Variants in SEZ6 observed in about 807,000 individuals in gnomAD.
SEZ6 encodes the protein seizure related 6 homolog.
A neutral mutation model predicts 101.0 loss-of-function variants in SEZ6; 53 were observed. The observed-to-expected ratio is 0.52, with a 90% confidence interval of 0.42 to 0.66. SEZ6 has a LOEUF of 0.66. Among genes scored for constraint, SEZ6 ranks in the 30% least tolerant of loss-of-function variants. The pLI is 0.00. For synonymous variants in SEZ6, 488 were observed against 512.2 expected (o/e 0.95, Z 0.64); for missense variants, 1,102 against 1,289.4 (o/e 0.85, Z 2.23).
intron 1 of SEZ6, among the ~76,000 whole-genome samples, chr17:28,987,603 G>A (rs542633451): frequency 1.3e-5 from 2 of 152,150 alleles, no homozygotes; most frequent in African/African-American, 4.8e-5. Flanking sequence ...GCTCCTCCAA[G>A]GTCACCCAGA....
chr17:28,998,483 C>T (rs1047379956), intron 1 of SEZ6, among the ~76,000 whole-genome samples: 2 of 151,908 alleles, frequency 1.3e-5, no homozygotes, highest in Admixed American at 6.6e-5. Flanking sequence ...GCAGCACATG[C>T]GATTTGGTGC....
At position 29,005,805 on chromosome 17, in the gene SEZ6, G is replaced by T. The variant is rs771134315; in HGVS notation, c.55+10C>A. On this transcript the variant is annotated intron_variant, in intron 1 of 16. Transcript: ENST00000317338. The surrounding 1 kb of genome is among the most constrained non-coding windows in gnomAD (Gnocchi z 4.8). ...CCCCCGTCCTGCCGCCGGATGCCGGGGTCCCTTACCGTGAGCCAGGAGCGC... is the reference window on the plus strand; with the variant it reads ...CCCCCGTCCTGCCGCCGGATGCCGGTGTCCCTTACCGTGAGCCAGGAGCGC... 9.6e-5 allele frequency: 142 copies of T among 1,484,294 alleles called. No individual in the cohort carries two copies. In the African/African-American group the frequency reaches 1.6e-3, roughly 17 times the overall value. 91.9% of individuals were successfully genotyped at this position (1,484,294 alleles called of 1,614,324 possible). A position where few individuals can be genotyped will look rare whatever the true frequency, so the allele number is the denominator to read the frequency against.
In SEZ6 at chr17:28,955,645, C is replaced by A. The variant is rs1355733756; in HGVS notation, c.*317G>T. On this transcript the variant is annotated 3_prime_UTR_variant, in exon 17 of 17. Transcript: ENST00000317338. Reference sequence around the variant, plus strand: ...GTACTCCTGCTCTGCTAGTGTGTTCCAGGCTGGTCCAGGGCATGAGGAGGC... The same window carrying A: ...GTACTCCTGCTCTGCTAGTGTGTTCAAGGCTGGTCCAGGGCATGAGGAGGC... 5 of 591,732 alleles carry A rather than the reference C, an allele frequency of 8.4e-6. No homozygotes were observed. Among genetic ancestry groups the A allele is most frequent in the African/African-American group, 1.8e-5 (1 of 54,642 alleles). The allele number at this position is 591,732 out of a possible 1,614,324, so 36.7% of individuals were successfully genotyped here.
intron 1 of SEZ6, among the ~76,000 whole-genome samples, chr17:28,991,894 A>G (rs1432877895): frequency 2.0e-5 from 3 of 152,328 alleles, no homozygotes; most frequent in African/African-American, 7.2e-5. Context: ...GCTCAGAGCC[A>G]GTTTAGGAGG....
chr17:29,003,983 C>T (rs1020398472), intron 1 of SEZ6, among the ~76,000 whole-genome samples: 8 of 152,182 alleles, frequency 5.3e-5, no homozygotes, highest in Admixed American at 1.3e-4. Context: ...GGTGGGACTC[C>T]TGGCCACACC....
chr17:28,976,291 C>T (rs1359029796), intron 3 of SEZ6, among the ~76,000 whole-genome samples: 1 of 152,112 alleles, frequency 6.6e-6, no homozygotes, highest in Non-Finnish European at 1.5e-5. Flanking sequence ...GAGGCTGGTC[C>T]TCCAAAAAAA....
At position 28,959,109 on chromosome 17, in the gene SEZ6, T is replaced by C. The variant is rs2040931005; in HGVS notation, c.2023A>G (p.Met675Val). Residue 675 changes from methionine to valine, a missense_variant, in exon 10 of 17, where the codon ATG (methionine) becomes GTG (valine). This residue lies in a region of SEZ6 where 556 missense variants were observed against 735.1 expected (regional missense o/e 0.76). Coordinates refer to ENST00000317338, the MANE Select transcript of SEZ6 (RefSeq NM_178860.5). This position sits in a 1 kb window ranked among gnomAD's most constrained non-coding sequence, Gnocchi z 4.4. ...PRSHFKLFTS[M>V]ADVTIQFQSD... ...TGGAACTGAATGGTGACATCAGCCA[T>C]GGAGGTAAAGAGCTTGAAGTGGCTA... 2.1e-5 allele frequency: 34 copies of C among 1,613,758 alleles called. No homozygotes were observed. The highest frequency in any genetic ancestry group is 2.6e-5 in the Non-Finnish European group (31 of 1,179,870).
chr17:28,980,883 T>C (rs867359160), intron 2 of SEZ6, among the ~76,000 whole-genome samples: 3 of 152,080 alleles, frequency 2.0e-5, no homozygotes, highest in Non-Finnish European at 2.9e-5. Context: ...GGTCATGTTA[T>C]AGTTGGAAGA....
At chr17:28,960,023 G>A (rs1567983116) in intron 7 of SEZ6, 131 bp from the exon 8 acceptor site, 1 of 1,026,538 alleles carries the variant, frequency 9.7e-7, no homozygotes, top group East Asian at 2.6e-5. Context: ...TCCTGGGGTT[G>A]GAGCAGGAAT....
chr17:28,999,548 G>A (rs1319553909), intron 1 of SEZ6, among the ~76,000 whole-genome samples: 2 of 152,212 alleles, frequency 1.3e-5, no homozygotes, highest in Non-Finnish European at 2.9e-5. Flanking sequence ...CCGCAGGTTT[G>A]TTTGCTCCGG....
chr17:28,957,013 G>A (rs1371621368), intron 13 of SEZ6, 32 bp downstream of exon 13: 1 of 1,541,400 alleles, frequency 6.5e-7, no homozygotes, highest in South Asian at 1.2e-5. Context: ...CTATGGGCCA[G>A]GGAGGGTTTT....
chr17:28,960,992 G>A lies in SEZ6; in HGVS notation c.1241-19C>T, dbSNP rs376442554. ...CAAGCAGCTGTTAAGACCAGGACAG[G>A]ACGTAGGCTAGGCCCCTGCCTGAAC... On this transcript the variant is annotated intron_variant, in intron 5 of 16. Transcript: ENST00000317338. The A allele has an allele frequency of 6.2e-7, 1 of 1,605,334 alleles. No homozygotes were observed. The highest frequency in any genetic ancestry group is 8.5e-7 in the Non-Finnish European group (1 of 1,175,718).
rs571441020 is a variant in SEZ6 at position 28,978,346 on chromosome 17, T to C, written c.858+1334A>G. On this transcript the variant is annotated intron_variant, in intron 3 of 16. Coordinates refer to ENST00000317338, the MANE Select transcript of SEZ6 (RefSeq NM_178860.5). ...TTCAGTCAGCGCATGGAGTACCCAT[T>C]CTGGGCTCTGCACTACAAGGCACCC... 5.3e-5 allele frequency among the ~76,000 whole-genome samples: 8 copies of C among 152,328 alleles called. No homozygotes were observed. In the South Asian group the frequency reaches 1.4e-3, roughly 28 times the overall value.
rs2040937954 is a variant in SEZ6, at chr17:28,959,391, T to C, written c.1853A>G (p.Asp618Gly). 1.2e-6 allele frequency: 2 copies of C among 1,613,610 alleles called. No homozygotes were observed. The highest frequency in any genetic ancestry group is 1.7e-6 in the Non-Finnish European group (2 of 1,179,830). The change falls in exon 9 of 17, where the codon GAT becomes GGT. Residue 618 changes from aspartate (D) to glycine (G), a missense_variant. Asp to Gly is a moderately conservative substitution (Grantham distance 94). Transcript: ENST00000317338. This position sits in a 1 kb window ranked among gnomAD's most constrained non-coding sequence, Gnocchi z 4.4. ...TTCCACATGCACACCCCAGATACAA[T>C]CCTGCCCACGACCGTAGGGCTCTGG... ...NWPEPYGRGQ[D>G]CIWGVHVEED...
At chr17:28,980,301 G>T (rs1250311850) in intron 2 of SEZ6, among the ~76,000 whole-genome samples, 3 of 150,402 alleles carry the variant, frequency 2.0e-5, no homozygotes, top group Non-Finnish European at 4.4e-5. Flanking sequence ...TCTGCCTCCT[G>T]GGTTCAAGCT....
intron 3 of SEZ6, among the ~76,000 whole-genome samples, chr17:28,971,607 A>G (rs985382491): frequency 3.9e-5 from 6 of 152,216 alleles, no homozygotes; most frequent in Non-Finnish European, 7.3e-5. Context: ...ACAAAAAAAA[A>G]AAGGAAATAC....
At chr17:28,957,635 G>C (rs1049151984) in intron 11 of SEZ6, 96 bp from the exon 12 acceptor site, 1 of 1,311,404 alleles carries the variant, frequency 7.6e-7, no homozygotes, top group Non-Finnish European at 1.0e-6. Flanking sequence ...ACTTCTTCAT[G>C]TCGTATGGGT....
At chr17:28,976,899 G>C (rs1160870555) in intron 3 of SEZ6, among the ~76,000 whole-genome samples, 1 of 152,304 alleles carries the variant, frequency 6.6e-6, no homozygotes, top group South Asian at 2.1e-4. Context: ...TGACCCCCAG[G>C]CTGGTGGAGT....
chr17:28,980,421 G>A (rs1405667362), intron 2 of SEZ6, among the ~76,000 whole-genome samples: 5 of 150,260 alleles, frequency 3.3e-5, no homozygotes, highest in Non-Finnish European at 7.4e-5. Context: ...CCAGGCTGGC[G>A]TGCAGTGACA....
Sources: gnomAD v4.1 joint callset for allele counts (sites outside exome capture counted in the v4.1 genomes callset) on GRCh38, gnomAD v4.1.1 for gene constraint, gnomAD v4.1.1 regional missense constraint, Gnocchi (gnomAD v3.1) non-coding constraint, MANE v1.5 for transcripts, NCBI Gene and HGNC (gene_info 2026-07-23, HGNC 2026-07-21) for gene names.